The following SPOCK1 variants were observed in gnomAD, a reference collection of about 807,000 sequenced individuals.
SPOCK1 encodes SPARC (osteonectin), cwcv and kazal like domains proteoglycan 1.
In SPOCK1, 23 loss-of-function variants were observed where a neutral mutation model predicts 55.3. The observed-to-expected ratio is 0.42, with a 90% confidence interval of 0.30 to 0.59. The LOEUF is 0.59. Ranked by LOEUF, SPOCK1 falls within the 20% of genes least tolerant of loss-of-function variation. SPOCK1 has a pLI of 0.22. For synonymous variants in SPOCK1, 226 were observed against 221.0 expected (o/e 1.02, Z -0.20); for missense variants, 499 against 552.5 (o/e 0.90, Z 0.97).
chr5:137,155,134 C>G (rs1476825944), intron 3 of SPOCK1, among the ~76,000 whole-genome samples: 1 of 152,166 alleles, frequency 6.6e-6, no homozygotes, highest in East Asian at 1.9e-4. Context: ...GTGTTAGTTT[C>G]AACTCTTTCC....
Position 137,112,686 on chromosome 5 carries a change from G to A in SPOCK1, c.348-125C>T, listed in dbSNP as rs561717812. On this transcript the variant is annotated intron_variant, in intron 4 of 10. Transcript: ENST00000394945. Reference sequence around the variant, plus strand: ...ATCCAACCAGGCCAAGGGATCCTGAGGGCCTTAGCCAGCACTTCCATTTGC... The same window carrying A: ...ATCCAACCAGGCCAAGGGATCCTGAAGGCCTTAGCCAGCACTTCCATTTGC... 21 of 1,224,248 alleles carry A rather than the reference G, an allele frequency of 1.7e-5. No individual in the cohort carries two copies. The South Asian group carries it at 3.0e-4, about 17-fold the overall frequency. 75.8% of individuals were successfully genotyped at this position (1,224,248 alleles called of 1,614,324 possible).
rs749724443 is a variant in SPOCK1 at position 137,083,445 on chromosome 5, TG to T, written c.475-15617del. The stretch of plus-strand genomic sequence containing the variant: ...TGCCTTAGCTTTCTGATTTGTAAAA[TG>T]GGGGAAACCATGATGCCTCCCTCAA... On this transcript the variant is annotated intron_variant, in intron 5 of 10. Coordinates refer to ENST00000394945, the MANE Select transcript of SPOCK1 (RefSeq NM_004598.4). Among the ~76,000 whole-genome samples, 9 of 152,192 alleles carry T rather than the reference TG, an allele frequency of 5.9e-5. 1 individual carries two copies. The South Asian group carries it at 1.9e-3, about 32-fold the overall frequency.
chr5:137,201,000 G>A (rs879779621), intron 3 of SPOCK1, among the ~76,000 whole-genome samples: 1 of 152,182 alleles, frequency 6.6e-6, no homozygotes, highest in Non-Finnish European at 1.5e-5. Flanking sequence ...CACAGCCGGG[G>A]ATTTGTCCAC....
chr5:137,396,640 T>C (rs1209267347), intron 2 of SPOCK1, among the ~76,000 whole-genome samples: 3 of 152,214 alleles, frequency 2.0e-5, no homozygotes, highest in Non-Finnish European at 4.4e-5. Flanking sequence ...GCAATGAACA[T>C]TCTCTGGTTA....
At chr5:137,378,111 C>T (rs1751368208) in intron 2 of SPOCK1, among the ~76,000 whole-genome samples, 1 of 151,940 alleles carries the variant, frequency 6.6e-6, no homozygotes, top group Admixed American at 6.6e-5. Context: ...CATCCGGCTA[C>T]TTTTGTATTT....
At chr5:137,335,104 T>TC (rs1415671721) in intron 2 of SPOCK1, among the ~76,000 whole-genome samples, 9 of 152,208 alleles carry the variant, frequency 5.9e-5, no homozygotes, top group Admixed American at 5.2e-4. Flanking sequence ...ATGGAAATGT[T>TC]CCCAAACTGG....
chr5:137,220,815 T>C (rs1009830378), intron 3 of SPOCK1, among the ~76,000 whole-genome samples: 1 of 152,222 alleles, frequency 6.6e-6, no homozygotes, highest in African/African-American at 2.4e-5. Flanking sequence ...GTCTCCATAC[T>C]GAATCCTCAG....
intron 2 of SPOCK1, among the ~76,000 whole-genome samples, chr5:137,312,841 A>G (rs142019435): frequency 1.2e-3 from 177 of 152,348 alleles, no homozygotes; most frequent in Non-Finnish European, 2.0e-3. Flanking sequence ...GTCCACTTGC[A>G]GGAGATTCCT....
chr5:137,233,078 T>C (rs959877988), intron 3 of SPOCK1, among the ~76,000 whole-genome samples: 5 of 152,162 alleles, frequency 3.3e-5, no homozygotes, highest in Non-Finnish European at 7.4e-5. Flanking sequence ...CGATCCTAAA[T>C]ATCAGCAGTC....
chr5:137,456,245 G>A (rs370076929), intron 2 of SPOCK1, among the ~76,000 whole-genome samples: 2 of 152,096 alleles, frequency 1.3e-5, no homozygotes, highest in East Asian at 1.9e-4. Flanking sequence ...TATTTCTCAG[G>A]AGATTCCTGC....
chr5:137,162,844 G>A (rs756635554), intron 3 of SPOCK1, among the ~76,000 whole-genome samples: 1 of 152,204 alleles, frequency 6.6e-6, no homozygotes, highest in Non-Finnish European at 1.5e-5. Flanking sequence ...AAAGAGGACA[G>A]GAAACTGAGA....
At chr5:136,986,347 GTT>G (rs1750841022) in intron 8 of SPOCK1, among the ~76,000 whole-genome samples, 1 of 152,074 alleles carries the variant, frequency 6.6e-6, no homozygotes, top group South Asian at 2.1e-4. Flanking sequence ...TAGGCTCTGT[GTT>G]GTAAGGAAAC....
At chr5:137,104,560 C>G (rs545855120) in intron 5 of SPOCK1, among the ~76,000 whole-genome samples, 1 of 152,342 alleles carries the variant, frequency 6.6e-6, no homozygotes, top group East Asian at 1.9e-4. Context: ...TAGGAACCGG[C>G]CCACAGCAGG....
chr5:137,426,335 T>G (rs1027443819), intron 2 of SPOCK1, among the ~76,000 whole-genome samples: 1 of 152,188 alleles, frequency 6.6e-6, no homozygotes, highest in Non-Finnish European at 1.5e-5. Context: ...TACTCCCCAA[T>G]GCAGAGGGAG....
intron 6 of SPOCK1, among the ~76,000 whole-genome samples, chr5:137,025,440 A>C (rs187751671): frequency 8.7e-4 from 132 of 152,172 alleles, no homozygotes; most frequent in Non-Finnish European, 1.4e-3. Flanking sequence ...TGCCCATATC[A>C]CTCCCTTCTA....
chr5:137,370,506 C>A (rs140127839), intron 2 of SPOCK1, among the ~76,000 whole-genome samples: 186 of 152,268 alleles, frequency 1.2e-3, no homozygotes, highest in African/African-American at 4.2e-3. Context: ...AAATAGAATT[C>A]TTCTATTCAA....
intron 2 of SPOCK1, among the ~76,000 whole-genome samples, chr5:137,285,896 A>G (rs1456598841): frequency 1.3e-5 from 2 of 152,124 alleles, no homozygotes; most frequent in Admixed American, 6.5e-5. Flanking sequence ...TTTTCTGTAA[A>G]GGGCCAAATA....
intron 2 of SPOCK1, among the ~76,000 whole-genome samples, chr5:137,458,758 G>T (rs940086954): frequency 2.0e-5 from 3 of 152,160 alleles, no homozygotes; most frequent in African/African-American, 7.2e-5. Context: ...CATGTGCTCT[G>T]TGGGCAAAAG....
chr5:137,208,973 C>G (rs1362510110), intron 3 of SPOCK1, among the ~76,000 whole-genome samples: 2 of 152,022 alleles, frequency 1.3e-5, no homozygotes, highest in African/African-American at 4.8e-5. Context: ...AACCCAGTTT[C>G]ATTCCTTCTT....
Sources: allele counts gnomAD v4.1 joint callset (sites outside exome capture counted in the v4.1 genomes callset), GRCh38; gene constraint gnomAD v4.1.1; transcripts MANE v1.5; gene names NCBI Gene and HGNC (gene_info 2026-07-23, HGNC 2026-07-21).